HDAC9: variants seen among roughly 807,000 people sequenced by gnomAD.
The protein encoded by HDAC9 is histone deacetylase 9, also known as MEF-2 interacting transcription repressor (MITR) protein.
HDAC9 carries 41 observed loss-of-function variants against 139.4 expected under a neutral mutation model. The observed-to-expected ratio is 0.29, with a 90% confidence interval of 0.23 to 0.38. HDAC9 has a LOEUF of 0.38. Ranked by LOEUF, HDAC9 falls within the 10% of genes least tolerant of loss-of-function variation. The probability of loss-of-function intolerance (pLI) is 1.00; values close to 1 mark genes in which losing one functional copy is unlikely to be tolerated. For missense variants in HDAC9, 1,147 were observed against 1,297.0 expected (o/e 0.88, Z 1.78); for synonymous variants, 517 against 476.2 (o/e 1.09, Z -1.12).
intron 1 of HDAC9, among the ~76,000 whole-genome samples, chr7:18,116,006 G>A (rs1299058507): frequency 6.6e-6 from 1 of 152,106 alleles, no homozygotes; most frequent in Admixed American, 6.6e-5. Flanking sequence ...ATAAAATGTA[G>A]TGTTTATTTC....
chr7:18,360,044 C>T (rs1037285576), intron 1 of HDAC9, among the ~76,000 whole-genome samples: 8 of 152,184 alleles, frequency 5.3e-5, no homozygotes, highest in African/African-American at 1.9e-4. Context: ...ACCTTCCACC[C>T]TCCGATTCTC....
chr7:18,180,827 C>A (rs1789362392), intron 2 of HDAC9, among the ~76,000 whole-genome samples: 1 of 152,188 alleles, frequency 6.6e-6, no homozygotes, highest in African/African-American at 2.4e-5. Context: ...TTTCACTGGG[C>A]TGAAATGAAG....
At chr7:18,497,579 T>G (rs1797258295) in intron 2 of HDAC9, among the ~76,000 whole-genome samples, 1 of 152,170 alleles carries the variant, frequency 6.6e-6, no homozygotes, top group Non-Finnish European at 1.5e-5. Flanking sequence ...TAATGAATAG[T>G]GCCTGCTTAA....
At chr7:18,092,061 G>A (rs773698538) in intron 1 of HDAC9, among the ~76,000 whole-genome samples, 2 of 152,146 alleles carry the variant, frequency 1.3e-5, no homozygotes, top group South Asian at 4.2e-4. Context: ...GTCAGCTTAG[G>A]GTATGTCCAC....
intron 24 of HDAC9, among the ~76,000 whole-genome samples, chr7:18,975,268 GT>G (rs1445452735): frequency 5.3e-5 from 8 of 152,226 alleles, no homozygotes; most frequent in African/African-American, 1.9e-4. Flanking sequence ...ACACCCTGAG[GT>G]TGAGAAAGAA....
At chr7:18,552,629 C>A (rs1817520688) in intron 2 of HDAC9, among the ~76,000 whole-genome samples, 1 of 152,164 alleles carries the variant, frequency 6.6e-6, no homozygotes, top group Non-Finnish European at 1.5e-5. Flanking sequence ...CTCCATTTGG[C>A]ATATTCTCCC....
At chr7:18,625,946 C>CAA (rs11312304) in intron 6 of HDAC9, among the ~76,000 whole-genome samples, 828 of 60,970 alleles carry the variant, frequency 0.014, 110 homozygotes, top group African/African-American at 0.064. Flanking sequence ...GACTCCATCT[C>CAA]AAAAAAAAAA....
chr7:18,088,136 C>T (rs1334227176), intron 1 of HDAC9: 1 of 152,118 alleles, frequency 6.6e-6, no homozygotes, highest in Non-Finnish European at 1.5e-5. Flanking sequence ...CTTTAAGTAA[C>T]TGTAGCATTT....
rs755314928 is a variant in HDAC9, at chr7:18,644,773, G to T, written c.1015G>T (p.Ala339Ser). ...GCCCAACATTACCTTGGGGCTTCCCGCAGTGCCATCCCAGCTCAATGTAAG... is the reference window on the plus strand; with the variant it reads ...GCCCAACATTACCTTGGGGCTTCCCTCAGTGCCATCCCAGCTCAATGTAAG... ...SLPNITLGLP[A>S]VPSQLNASNS... Residue 339 changes from alanine (A) to serine (S), a missense_variant, in exon 9 of 26, where the codon GCA becomes TCA. Ala to Ser is a moderately conservative substitution (Grantham distance 99). Coordinates refer to ENST00000686413, the MANE Select transcript of HDAC9 (RefSeq NM_178425.4). The T allele has an allele frequency of 1.7e-5, 27 of 1,611,000 alleles. No individual in the cohort carries two copies. Among genetic ancestry groups the T allele is most frequent in the Non-Finnish European group, 2.1e-5 (25 of 1,178,482 alleles).
Position 18,587,686 on chromosome 7 carries a change from A to C in HDAC9, c.264+2164A>C, listed in dbSNP as rs574611530. On this transcript the variant is annotated intron_variant, in intron 3 of 25. Transcript: ENST00000686413. The stretch of plus-strand genomic sequence containing the variant: ...ACCTTTCCAAGGCTACATAGCCAAT[A>C]AATTGTTGCTCCAAGATTTACAGTC... 9.8e-5 allele frequency among the ~76,000 whole-genome samples: 15 copies of C among 152,338 alleles called. No homozygotes were observed. The South Asian group carries it at 3.1e-3, about 32-fold the overall frequency.
chr7:18,717,455 G>T (rs1263155785), intron 12 of HDAC9, among the ~76,000 whole-genome samples: 1 of 147,560 alleles, frequency 6.8e-6, no homozygotes, highest in Non-Finnish European at 1.5e-5. Flanking sequence ...TTTTGAGACG[G>T]AATTTTGCTC....
intron 1 of HDAC9, among the ~76,000 whole-genome samples, chr7:18,405,389 T>A (rs752774992): frequency 5.9e-5 from 9 of 152,188 alleles, no homozygotes; most frequent in Non-Finnish European, 1.3e-4. Flanking sequence ...CTTTTCAGTG[T>A]CTCTCCACAC....
intron 2 of HDAC9, among the ~76,000 whole-genome samples, chr7:18,207,539 C>CTGTTTTTTTTTTTTT (rs1791615183): frequency 7.4e-5 from 4 of 53,724 alleles, no homozygotes; most frequent in Admixed American, 3.3e-4. Flanking sequence ...CCCAAGGAGT[C>CTGTTTTTTTTTTTTT]TTTTTTTTTT....
In HDAC9 at chr7:18,732,735, A is replaced by ATGTGTACACACACACACGTGTG. The variant is rs1786275787; in HGVS notation, c.1909+4983_1909+4984insACACACACACACGTGTGTGTGT. Among the ~76,000 whole-genome samples the ATGTGTACACACACACACGTGTG allele has an allele frequency of 5.3e-5, 5 of 94,558 alleles. 1 individual carries two copies. Among genetic ancestry groups the ATGTGTACACACACACACGTGTG allele is most frequent in the African/African-American group, 1.8e-4 (3 of 16,868 alleles). 62.0% of individuals were successfully genotyped at this position (94,558 alleles called of 152,430 possible). ...CGTATGTGTACACACACACACGTGT[A>ATGTGTACACACACACACGTGTG]TGTGTGCGTATGTGTACACACACGT... On this transcript the variant is annotated intron_variant, in intron 13 of 25. Transcript: ENST00000686413.
At chr7:18,391,376 C>T (rs775494226) in intron 1 of HDAC9, among the ~76,000 whole-genome samples, 12 of 151,294 alleles carry the variant, frequency 7.9e-5, no homozygotes, top group Admixed American at 2.6e-4. Flanking sequence ...TGGAGCGAGA[C>T]GCCATCCCCC....
chr7:18,444,740 G>A (rs1402822424), intron 1 of HDAC9, among the ~76,000 whole-genome samples: 2 of 152,114 alleles, frequency 1.3e-5, no homozygotes, highest in African/African-American at 4.8e-5. Flanking sequence ...TACATGTTTT[G>A]CACCAGAATA....
chr7:18,869,584 C>G (rs1359974571), intron 21 of HDAC9, among the ~76,000 whole-genome samples: 1 of 152,014 alleles, frequency 6.6e-6, no homozygotes, highest in East Asian at 1.9e-4. Flanking sequence ...CAAGAACAGA[C>G]TAATAAAGAG....
intron 12 of HDAC9, among the ~76,000 whole-genome samples, 198 bp from the exon 13 acceptor site, chr7:18,727,382 G>C (rs1785632126): frequency 6.6e-6 from 1 of 152,226 alleles, no homozygotes; most frequent in South Asian, 2.1e-4. Flanking sequence ...CTGGCCGTCA[G>C]TGTGAAAACA....
At chr7:18,879,841 C>G (rs1185959694) in intron 22 of HDAC9, among the ~76,000 whole-genome samples, 1 of 152,134 alleles carries the variant, frequency 6.6e-6, no homozygotes, top group African/African-American at 2.4e-5. Context: ...AGCCTCTGCA[C>G]AGCAAAAGAA....
Sources: allele counts gnomAD v4.1 joint callset (sites outside exome capture counted in the v4.1 genomes callset), GRCh38; gene constraint gnomAD v4.1.1; transcripts MANE v1.5; gene names NCBI Gene and HGNC (gene_info 2026-07-23, HGNC 2026-07-21).